The following MYH14 variants were observed in gnomAD, a reference collection of about 807,000 sequenced individuals.
MYH14 encodes the protein myosin-14.
In MYH14, 123 loss-of-function variants were observed where a neutral mutation model predicts 255.5. The observed-to-expected ratio is 0.48, with a 90% CI of 0.42 to 0.56. The LOEUF (loss-of-function observed/expected upper bound fraction) is 0.56. Ranked by LOEUF, MYH14 falls within the 20% of genes least tolerant of loss-of-function variation. The pLI is 0.00. For synonymous variants in MYH14, 1,095 were observed against 1,161.2 expected, an observed-to-expected ratio of 0.94 and a Z score of 1.16; for missense variants, 2,423 against 2,802.3, an observed-to-expected ratio of 0.86 and a Z score of 3.06.
intron 40 of MYH14, among the ~76,000 whole-genome samples, chr19:50,304,447 G>A (rs778968469): frequency 8.5e-5 from 13 of 152,070 alleles, no homozygotes; most frequent in Admixed American, 6.6e-4. Context: ...AAAATTAGCC[G>A]GGAGTAGTAA....
intron 39 of MYH14, among the ~76,000 whole-genome samples, chr19:50,298,153 A>T (rs1480556372): frequency 1.3e-5 from 2 of 152,130 alleles, no homozygotes; most frequent in African/African-American, 4.8e-5. Context: ...TTGGACAAAA[A>T]GGGTCCGATC....
chr19:50,224,044 C>A, intron 5 of MYH14, 110 bp from the exon 6 acceptor site: 1 of 756,392 alleles, frequency 1.3e-6, no homozygotes, highest in Admixed American at 2.0e-5. Context: ...CCCAGTCCCC[C>A]TTCCCCCACC....
chr19:50,255,601 T>C (rs2034564624), intron 17 of MYH14, among the ~76,000 whole-genome samples: 1 of 152,064 alleles, frequency 6.6e-6, no homozygotes, highest in African/African-American at 2.4e-5. Flanking sequence ...GAAACCCCTT[T>C]AGAATTATCA....
At chr19:50,224,037 A>AT in intron 5 of MYH14, 117 bp from the exon 6 acceptor site, 1 of 252,570 alleles carries the variant, frequency 4.0e-6, no homozygotes, top group South Asian at 5.2e-5. Context: ...CGGTTTCCCC[A>AT]GTCCCCCTTC....
In MYH14 at chr19:50,249,001, G is replaced by A. The variant is rs760429333; in HGVS notation, c.1344G>A (p.Leu448=). 9 of 1,613,482 alleles carry A rather than the reference G, an allele frequency of 5.6e-6. No individual in the cohort carries two copies. The highest frequency in any genetic ancestry group is 1.1e-5 in the South Asian group (1 of 91,052). The change falls in exon 13 of 43, where the codon CTG becomes CTA. Residue 448 remains leucine, a synonymous_variant. Coordinates refer to ENST00000642316, the MANE Select transcript of MYH14 (RefSeq NM_001145809.2). The part of the protein sequence containing the change: ...AQTKEQADFA[L]EALAKATYER... Reference sequence around the variant, plus strand: ...CTGTCCCACAGGCTGACTTCGCGCTGGAGGCCCTGGCCAAGGCCACCTACG... The same window carrying A: ...CTGTCCCACAGGCTGACTTCGCGCTAGAGGCCCTGGCCAAGGCCACCTACG...
Position 50,210,640 on chromosome 19 carries a change from C to G in MYH14, c.275C>G (p.Pro92Arg). The G allele has an allele frequency of 6.4e-7, 1 of 1,570,512 alleles. No individual in the cohort carries two copies. Among genetic ancestry groups the G allele is most frequent in the Non-Finnish European group, 8.6e-7 (1 of 1,159,164 alleles). The change falls in exon 2 of 43, where the codon CCG becomes CGG. Residue 92 changes from proline to arginine, a missense_variant. This residue lies in a region of MYH14 where 238 missense variants were observed against 245.8 expected (regional missense o/e 0.97). Transcript: ENST00000642316. ...LAESGRRLRL[P>R]RDQIQRMNPP... ...GAGAGCGGGAGGCGGCTGCGACTGC[C>G]GCGGGACCAGATCCAGCGCATGAAC... is the stretch of plus-strand genomic sequence containing the variant.
chr19:50,259,790 A>G (rs533992995), intron 19 of MYH14, among the ~76,000 whole-genome samples: 2 of 152,136 alleles, frequency 1.3e-5, no homozygotes, highest in South Asian at 4.1e-4. Context: ...AGGCAGGAGA[A>G]TCACTTGAAC....
intron 10 of MYH14, among the ~76,000 whole-genome samples, chr19:50,242,432 G>T (rs563906072): frequency 6.6e-6 from 1 of 152,154 alleles, no homozygotes; most frequent in Non-Finnish European, 1.5e-5. Flanking sequence ...ATGGTGGCAG[G>T]CAAGACAGAA....
chr19:50,247,257 T>TA (rs2034167676), intron 12 of MYH14, 135 bp downstream of exon 12: 1 of 638,978 alleles, frequency 1.6e-6, no homozygotes, highest in East Asian at 2.8e-5. Context: ...GATCCTGGTC[T>TA]AGGTGCCAGG....
intron 19 of MYH14, among the ~76,000 whole-genome samples, chr19:50,260,404 G>A (rs1038834022): frequency 3.3e-5 from 5 of 152,314 alleles, no homozygotes; most frequent in East Asian, 1.9e-4. Context: ...CAGCCTGGGC[G>A]ACAGAGCGAG....
At chr19:50,220,152 C>T (rs1043566439) in intron 3 of MYH14, among the ~76,000 whole-genome samples, 4 of 152,082 alleles carry the variant, frequency 2.6e-5, no homozygotes, top group African/African-American at 4.8e-5. Flanking sequence ...CCATTTCCGT[C>T]CCGCACCCCA....
In MYH14 at chr19:50,271,473, C is replaced by A. The variant is rs201746408; in HGVS notation, c.3098C>A (p.Thr1033Lys). 1.2e-6 allele frequency: 2 copies of A among 1,607,900 alleles called. No individual in the cohort carries two copies. Among genetic ancestry groups the A allele is most frequent in the Non-Finnish European group, 1.7e-6 (2 of 1,177,220 alleles). ...ARQKLQLEKVTTEAKMKKFEE... is the reference protein window; with the variant it reads ...ARQKLQLEKVKTEAKMKKFEE... ...CAGAAGCTGCAGCTGGAGAAGGTGA[C>A]GACAGAGGCAAAAATGAAGAAATTT... Residue 1033 changes from threonine to lysine, a missense_variant, in exon 25 of 43, where the codon ACG (threonine) becomes AAG (lysine). Thr to Lys is a moderately conservative substitution (Grantham distance 78). This residue lies in a region of MYH14 where 1,513 missense variants were observed against 1,674.8 expected (regional missense o/e 0.90). Transcript: ENST00000642316.
chr19:50,221,402 T>G lies in MYH14; in HGVS notation c.563-1681T>G, dbSNP rs2032812565. ...GTCCTACTGGACGCAGCTTACTCCC[T>G]GGCTTGAAGACACCCAGAGGATGCC... On this transcript the variant is annotated intron_variant, in intron 3 of 42. Transcript: ENST00000642316. This position sits in a 1 kb window ranked among gnomAD's most constrained non-coding sequence, Gnocchi z 5.3. Among the ~76,000 whole-genome samples the G allele has an allele frequency of 6.6e-6, 1 of 152,192 alleles. No homozygotes were observed.
Position 50,215,258 on chromosome 19 carries a change from G to A in MYH14, c.406-2357G>A, listed in dbSNP as rs12981935. 3.9e-5 allele frequency among the ~76,000 whole-genome samples: 6 copies of A among 152,324 alleles called. No homozygotes were observed. The East Asian group carries it at 5.8e-4, about 15-fold the overall frequency. ...GGGGAGTGGGTTCCTCCGCCAGCCA[G>A]GAGTGGGGGCCGGGGCGCCGGCAGC... is the stretch of plus-strand genomic sequence containing the variant. On this transcript the variant is annotated intron_variant, in intron 2 of 42. Transcript: ENST00000642316.
At chr19:50,208,265 AT>A (rs2031937009) in intron 1 of MYH14, among the ~76,000 whole-genome samples, 1 of 152,146 alleles carries the variant, frequency 6.6e-6, no homozygotes, top group Non-Finnish European at 1.5e-5. Flanking sequence ...AAATACAAAA[AT>A]TAGCCAGGCA....
intron 10 of MYH14, among the ~76,000 whole-genome samples, chr19:50,242,217 C>A (rs757897566): frequency 6.6e-6 from 1 of 152,204 alleles, no homozygotes; most frequent in Non-Finnish European, 1.5e-5. Context: ...ACTTCCAATG[C>A]ACTTTCTAGA....
intron 39 of MYH14, among the ~76,000 whole-genome samples, chr19:50,297,842 G>T (rs1011556579): frequency 6.6e-6 from 1 of 151,920 alleles, no homozygotes; most frequent in Non-Finnish European, 1.5e-5. Flanking sequence ...CAGATTTGAG[G>T]CCCACCCTAA....
chr19:50,230,891 G>A lies in MYH14; in HGVS notation c.973+268G>A, dbSNP rs138230311. 1,066 of 465,786 alleles carry A rather than the reference G, an allele frequency of 2.3e-3. 7 individuals are homozygous for A. Among genetic ancestry groups the A allele is most frequent in the Middle Eastern group, 0.015 (24 of 1,650 alleles). The allele number at this position is 465,786 out of a possible 1,614,324, so 28.9% of individuals were successfully genotyped here. On this transcript the variant is annotated intron_variant, in intron 9 of 42. Coordinates refer to ENST00000642316, the MANE Select transcript of MYH14 (RefSeq NM_001145809.2). The surrounding 1 kb of genome is among the most constrained non-coding windows in gnomAD (Gnocchi z 4.7). ...CAGCCCCCGCCGCCTGGTGGCTCCT[G>A]CTCACGCTCGCTTCCGAAGCTCCGT...
chr19:50,242,671 T>C (rs956006231), intron 10 of MYH14, among the ~76,000 whole-genome samples: 1 of 152,158 alleles, frequency 6.6e-6, no homozygotes. Context: ...AAAACTGTTC[T>C]ACAATGAACA....
Sources: gnomAD v4.1 joint callset for allele counts (sites outside exome capture counted in the v4.1 genomes callset) on GRCh38, gnomAD v4.1.1 for gene constraint, gnomAD v4.1.1 regional missense constraint, Gnocchi (gnomAD v3.1) non-coding constraint, MANE v1.5 for transcripts, NCBI Gene and HGNC (gene_info 2026-07-23, HGNC 2026-07-21) for gene names.